DTNBP1: variants seen among roughly 807,000 people sequenced by gnomAD.
DTNBP1 encodes the protein dystrobrevin binding protein 1, also known as dysbindin.
In DTNBP1, 35 loss-of-function variants were observed where a neutral mutation model predicts 42.8. The ratio of observed to expected loss-of-function variants is 0.82; its 90% confidence interval spans 0.63 to 1.09. The LOEUF (loss-of-function observed/expected upper bound fraction) is 1.09. Ranked by LOEUF, DTNBP1 falls within the 50% of genes least tolerant of loss-of-function variation. The pLI is 0.00. For synonymous variants in DTNBP1, 171 were observed against 162.2 expected (o/e 1.05, Z -0.41); for missense variants, 457 against 424.2 (o/e 1.08, Z -0.68).
chr6:15,620,639 T>C (rs1311128612), intron 5 of DTNBP1, among the ~76,000 whole-genome samples: 2 of 152,224 alleles, frequency 1.3e-5, no homozygotes, highest in African/African-American at 2.4e-5. Context: ...TCATAGCTAA[T>C]AGGATTATTT....
In DTNBP1 at chr6:15,617,205, C is replaced by T. The variant is rs60859700; in HGVS notation, c.356-1806G>A. Among the ~76,000 whole-genome samples, 1,095 of 152,030 alleles carry T rather than the reference C, an allele frequency of 7.2e-3. 19 individuals are homozygous for T. Among genetic ancestry groups the T allele is most frequent in the African/African-American group, 0.025 (1,041 of 41,468 alleles). ...TCTCTACAAGACAAAGTATAAAACA[C>T]TAATGAAAGAAGTTGAAGAAGACAC... On this transcript the variant is annotated intron_variant, in intron 5 of 9. Coordinates refer to ENST00000344537, the MANE Select transcript of DTNBP1 (RefSeq NM_032122.5).
intron 9 of DTNBP1, 157 bp downstream of exon 9, chr6:15,524,369 C>T (rs1772194361): frequency 6.2e-7 from 1 of 1,613,746 alleles, no homozygotes; most frequent in East Asian, 2.2e-5. Context: ...AGCTGCCACA[C>T]AGCCGTGTGG....
At chr6:15,553,912 T>C (rs77889550) in intron 7 of DTNBP1, among the ~76,000 whole-genome samples, 1 of 152,128 alleles carries the variant, frequency 6.6e-6, no homozygotes, top group East Asian at 1.9e-4. Context: ...GCATAAAACC[T>C]AGGAAGGATC....
chr6:15,524,328 A>G, intron 9 of DTNBP1, 198 bp downstream of exon 9: 1 of 1,610,720 alleles, frequency 6.2e-7, no homozygotes, highest in South Asian at 1.1e-5. Context: ...ATCTTTGAGA[A>G]GAATTCATGA....
At chr6:15,657,132 A>G (rs1761330097) in intron 1 of DTNBP1, among the ~76,000 whole-genome samples, 1 of 152,204 alleles carries the variant, frequency 6.6e-6, no homozygotes, top group Non-Finnish European at 1.5e-5. Context: ...CAGACTCAGG[A>G]AAGAAAGATG....
chr6:15,531,674 G>T (rs904108605), intron 8 of DTNBP1, among the ~76,000 whole-genome samples: 1 of 151,766 alleles, frequency 6.6e-6, no homozygotes, highest in East Asian at 1.9e-4. Flanking sequence ...TTGCTCTGTC[G>T]CCAGGCTGGA....
intron 7 of DTNBP1, among the ~76,000 whole-genome samples, chr6:15,588,678 A>C (rs1776175540): frequency 6.6e-6 from 1 of 152,160 alleles, no homozygotes; most frequent in Admixed American, 6.5e-5. Flanking sequence ...TTCATCCCTC[A>C]TCACTTCACC....
chr6:15,614,466 C>G (rs1360584117), intron 6 of DTNBP1, among the ~76,000 whole-genome samples: 1 of 152,156 alleles, frequency 6.6e-6, no homozygotes, highest in East Asian at 1.9e-4. Context: ...CAAAGCCCGC[C>G]TCCAGCTTCA....
intron 7 of DTNBP1, among the ~76,000 whole-genome samples, chr6:15,567,494 A>AAACC (rs1302411396): frequency 6.0e-5 from 8 of 132,776 alleles, no homozygotes; most frequent in Non-Finnish European, 1.2e-4. Context: ...ACAAACAAAC[A>AAACC]AACCTTGGTC....
At chr6:15,539,933 G>C (rs1403266778) in intron 7 of DTNBP1, among the ~76,000 whole-genome samples, 1 of 152,112 alleles carries the variant, frequency 6.6e-6, no homozygotes, top group Admixed American at 6.5e-5. Flanking sequence ...CACCTATTTC[G>C]TAAGGTTGTT....
At chr6:15,592,109 T>C (rs1281201969) in intron 7 of DTNBP1, among the ~76,000 whole-genome samples, 1 of 152,200 alleles carries the variant, frequency 6.6e-6, no homozygotes, top group Non-Finnish European at 1.5e-5. Context: ...GGAATATGCC[T>C]TTATACCTTT....
At chr6:15,592,922 C>A in intron 7 of DTNBP1, 137 bp downstream of exon 7, 1 of 910,060 alleles carries the variant, frequency 1.1e-6, no homozygotes. Context: ...TAAGCAAAAC[C>A]TACAAAAAAC....
At chr6:15,527,125 C>G (rs767857086) in intron 8 of DTNBP1, among the ~76,000 whole-genome samples, 1 of 152,082 alleles carries the variant, frequency 6.6e-6, no homozygotes, top group Non-Finnish European at 1.5e-5. Context: ...TAATGGGAAA[C>G]AAAAGTAATA....
chr6:15,656,530 A>C (rs1004928334), intron 1 of DTNBP1, among the ~76,000 whole-genome samples: 2 of 152,148 alleles, frequency 1.3e-5, no homozygotes, highest in African/African-American at 4.8e-5. Flanking sequence ...CTGCTTAGAC[A>C]AAAAGTGTAA....
intron 6 of DTNBP1, among the ~76,000 whole-genome samples, chr6:15,597,376 G>A (rs935920952): frequency 1.3e-5 from 2 of 152,114 alleles, no homozygotes; most frequent in Admixed American, 6.5e-5. Flanking sequence ...AACATTTATC[G>A]AGAACATGGC....
intron 3 of DTNBP1, among the ~76,000 whole-genome samples, chr6:15,646,188 T>G (rs1020477761): frequency 6.6e-6 from 1 of 151,380 alleles, no homozygotes; most frequent in Non-Finnish European, 1.5e-5. Context: ...AAATAAAATC[T>G]GCAGCATTTT....
chr6:15,548,374 T>C lies in DTNBP1; in HGVS notation c.512-14979A>G, dbSNP rs181031875. Reference sequence around the variant, plus strand: ...GTTCAACACAATCTATGTGTTAAAATAGATCAGACCCAGGATTCAGGTCAG... The same window carrying C: ...GTTCAACACAATCTATGTGTTAAAACAGATCAGACCCAGGATTCAGGTCAG... On this transcript the variant is annotated intron_variant, in intron 7 of 9. Coordinates refer to ENST00000344537, the MANE Select transcript of DTNBP1 (RefSeq NM_032122.5). 23 of 152,012 alleles carry C rather than the reference T, an allele frequency of 1.5e-4. 1 individual carries two copies. The highest frequency in any genetic ancestry group is 5.1e-4 in the African/African-American group (21 of 41,464). The allele number at this position is 152,012 out of a possible 1,614,324, so 9.4% of individuals were successfully genotyped here.
At chr6:15,567,948 G>A in intron 7 of DTNBP1, among the ~76,000 whole-genome samples, 1 of 152,234 alleles carries the variant, frequency 6.6e-6, no homozygotes, top group East Asian at 1.9e-4. Flanking sequence ...GAGTTGCTAT[G>A]CGGATTAATG....
chr6:15,579,156 G>A (rs1445930262), intron 7 of DTNBP1, among the ~76,000 whole-genome samples: 2 of 152,106 alleles, frequency 1.3e-5, no homozygotes, highest in African/African-American at 2.4e-5. Flanking sequence ...AATGTCTATC[G>A]ACAGATGAAT....
Sources: gnomAD v4.1 joint callset for allele counts (sites outside exome capture counted in the v4.1 genomes callset) on GRCh38, gnomAD v4.1.1 for gene constraint, MANE v1.5 for transcripts, NCBI Gene and HGNC (gene_info 2026-07-23, HGNC 2026-07-21) for gene names.